Variants in GTF2I observed in about 807,000 individuals in gnomAD.
GTF2I encodes general transcription factor II-I.
GTF2I carries 12 observed loss-of-function variants against 67.6 expected under a neutral mutation model. That is an observed-to-expected ratio of 0.18 (90% CI 0.11 to 0.29). The LOEUF (loss-of-function observed/expected upper bound fraction) is 0.29. Among genes scored for constraint, GTF2I ranks in the 10% least tolerant of loss-of-function variants. GTF2I has a pLI of 1.00. For missense variants in GTF2I, 271 were observed against 580.1 expected (o/e 0.47, Z 5.47); for synonymous variants, 149 against 197.0 (o/e 0.76, Z 2.04).
At chr7:74,677,637 C>T (rs782013949) in intron 1 of GTF2I, among the ~76,000 whole-genome samples, 1 of 151,644 alleles carries the variant, frequency 6.6e-6, no homozygotes, top group African/African-American at 2.4e-5. Context: ...AGAAAATTAG[C>T]CGGGCGTGGT....
intron 1 of GTF2I, among the ~76,000 whole-genome samples, chr7:74,666,447 G>C (rs781833033): frequency 3.9e-5 from 6 of 152,144 alleles, no homozygotes; most frequent in Non-Finnish European, 7.3e-5. Context: ...GTCCATATGA[G>C]GAAAGGGCAG....
intron 1 of GTF2I, among the ~76,000 whole-genome samples, chr7:74,683,745 C>T (rs587751762): frequency 1.3e-5 from 2 of 152,048 alleles, no homozygotes; most frequent in African/African-American, 2.4e-5. Context: ...CCCAGCTACT[C>T]GGGAGGCAGA....
At chr7:74,677,190 G>A (rs1805977460) in intron 1 of GTF2I, among the ~76,000 whole-genome samples, 1 of 152,130 alleles carries the variant, frequency 6.6e-6, no homozygotes, top group South Asian at 2.1e-4. Flanking sequence ...TAATGCAGCT[G>A]AATCCTGGTT....
intron 1 of GTF2I, among the ~76,000 whole-genome samples, chr7:74,673,792 C>T (rs894550113): frequency 1.4e-4 from 21 of 147,714 alleles, no homozygotes; most frequent in African/African-American, 4.8e-4. Flanking sequence ...GCGATTCTCC[C>T]GCCTCAGCCT....
At chr7:74,723,861 A>G (rs1181856418) in intron 12 of GTF2I, among the ~76,000 whole-genome samples, 3 of 152,066 alleles carry the variant, frequency 2.0e-5, no homozygotes, top group Admixed American at 2.0e-4. Context: ...GGGGAAAAAA[A>G]AAAAAAGAGA....
chr7:74,666,904 C>T (rs1318646707), intron 1 of GTF2I, among the ~76,000 whole-genome samples: 1 of 152,014 alleles, frequency 6.6e-6, no homozygotes, highest in Non-Finnish European at 1.5e-5. Flanking sequence ...GGTGTGAAAC[C>T]GGCAGGCGGA....
intron 8 of GTF2I, among the ~76,000 whole-genome samples, chr7:74,707,081 C>T (rs1790823560): frequency 6.6e-6 from 1 of 152,208 alleles, no homozygotes; most frequent in Non-Finnish European, 1.5e-5. Flanking sequence ...AACTCCTGAC[C>T]TCAAGTGATC....
chr7:74,715,231 G>C (rs1246788482), intron 10 of GTF2I, among the ~76,000 whole-genome samples: 1 of 152,030 alleles, frequency 6.6e-6, no homozygotes, highest in Non-Finnish European at 1.5e-5. Flanking sequence ...TTATTGGTTA[G>C]TGATGCAAAT....
At chr7:74,719,035 T>G in intron 12 of GTF2I, 94 bp downstream of exon 12, 1 of 672,520 alleles carries the variant, frequency 1.5e-6, no homozygotes. Context: ...TCATTCATTT[T>G]TAAAGGAGAC....
chr7:74,707,506 C>T (rs1254623435), intron 8 of GTF2I, among the ~76,000 whole-genome samples: 2 of 152,120 alleles, frequency 1.3e-5, no homozygotes, highest in African/African-American at 2.4e-5. Flanking sequence ...GCCGCGTTAA[C>T]GTGTGTGTGC....
intron 11 of GTF2I, 147 bp downstream of exon 11, chr7:74,717,097 T>C: frequency 1.7e-6 from 2 of 1,152,254 alleles, no homozygotes; most frequent in East Asian, 2.6e-5. Context: ...TATTATTTTT[T>C]TAAAAATTCT....
chr7:74,664,112 G>C (rs1804761558), intron 1 of GTF2I, among the ~76,000 whole-genome samples: 1 of 152,144 alleles, frequency 6.6e-6, no homozygotes, highest in Non-Finnish European at 1.5e-5. Context: ...ACCGCACCCA[G>C]CCAAGGATGT....
intron 8 of GTF2I, among the ~76,000 whole-genome samples, chr7:74,710,787 G>A (rs1554402355): frequency 6.6e-6 from 1 of 152,182 alleles, no homozygotes; most frequent in East Asian, 1.9e-4. Flanking sequence ...ATAAGAATTT[G>A]CTGGAGAAAA....
intron 1 of GTF2I, among the ~76,000 whole-genome samples, chr7:74,673,155 G>A (rs587635508): frequency 2.0e-5 from 3 of 151,924 alleles, no homozygotes; most frequent in South Asian, 2.1e-4. Context: ...CCACTGCCCC[G>A]AGCTGAGTTT....
intron 28 of GTF2I, among the ~76,000 whole-genome samples, chr7:74,752,416 TA>T (rs1193156296): frequency 6.6e-6 from 1 of 151,180 alleles, no homozygotes; most frequent in African/African-American, 2.4e-5. Flanking sequence ...GTCTGTTCCT[TA>T]AAAAAAGTCT....
At chr7:74,722,094 G>A (rs1380886744) in intron 12 of GTF2I, among the ~76,000 whole-genome samples, 1 of 152,108 alleles carries the variant, frequency 6.6e-6, no homozygotes. Flanking sequence ...AAGTCTGTCC[G>A]ATTTTTCACA....
intron 9 of GTF2I, among the ~76,000 whole-genome samples, chr7:74,711,943 TTC>T (rs1214647736): frequency 6.6e-6 from 1 of 151,256 alleles, no homozygotes; most frequent in Non-Finnish European, 1.5e-5. Flanking sequence ...AGGCCTTCAT[TTC>T]TCTCTTTTTT....
At chr7:74,706,609 G>T (rs587697872) in intron 8 of GTF2I, among the ~76,000 whole-genome samples, 176 bp downstream of exon 8, 2 of 152,204 alleles carry the variant, frequency 1.3e-5, no homozygotes, top group South Asian at 4.1e-4. Context: ...ACCCAGAAAG[G>T]TAATTTGCTC....
At chr7:74,702,980 G>T (rs1211704532) in intron 6 of GTF2I, among the ~76,000 whole-genome samples, 1 of 151,898 alleles carries the variant, frequency 6.6e-6, no homozygotes, top group Admixed American at 6.6e-5. Flanking sequence ...CAAGTGATCC[G>T]CCTGTGTCAG....
Sources: gnomAD v4.1 joint callset for allele counts (sites outside exome capture counted in the v4.1 genomes callset) on GRCh38, gnomAD v4.1.1 for gene constraint, MANE v1.5 for transcripts, NCBI Gene and HGNC (gene_info 2026-07-23, HGNC 2026-07-21) for gene names.